Variants in SGCZ observed in about 807,000 individuals in gnomAD.
The protein encoded by SGCZ is sarcoglycan zeta.
Under a neutral mutation model 41.3 loss-of-function variants are expected in SGCZ, and 40 were observed. The ratio of observed to expected loss-of-function variants is 0.97; its 90% confidence interval spans 0.75 to 1.26. SGCZ has a LOEUF of 1.26. Ranked by LOEUF, SGCZ falls within the 50% of genes most tolerant of loss-of-function variation. The probability of loss-of-function intolerance (pLI) is 0.00; values close to 1 mark genes in which losing one functional copy is unlikely to be tolerated. For missense variants in SGCZ, 552 were observed against 369.8 expected, an observed-to-expected ratio of 1.49 and a Z score of -4.04; for synonymous variants, 206 against 137.5, an observed-to-expected ratio of 1.50 and a Z score of -3.49.
chr8:14,613,272 A>C (rs537455222), intron 1 of SGCZ, among the ~76,000 whole-genome samples: 1 of 152,342 alleles, frequency 6.6e-6, no homozygotes, highest in South Asian at 2.1e-4. Flanking sequence ...CAACCTGAAA[A>C]TATATTTCAT....
At chr8:14,845,813 CATAAAAAG>C (rs1359374318) in intron 1 of SGCZ, among the ~76,000 whole-genome samples, 22 of 151,998 alleles carry the variant, frequency 1.4e-4, no homozygotes, top group African/African-American at 5.3e-4. Context: ...TACCAGATTA[CATAAAAAG>C]ATAAAAAGTC....
chr8:14,741,882 A>G (rs541036660), intron 1 of SGCZ, among the ~76,000 whole-genome samples: 47 of 140,128 alleles, frequency 3.4e-4, no homozygotes, highest in Admixed American at 2.6e-3. Flanking sequence ...TAATAACTCA[A>G]TTTAATCACA....
intron 5 of SGCZ, among the ~76,000 whole-genome samples, chr8:14,132,347 CAT>C (rs1803067518): frequency 6.6e-6 from 1 of 152,162 alleles, no homozygotes; most frequent in Admixed American, 6.6e-5. Flanking sequence ...GTACACAACA[CAT>C]GATTGCAACA....
intron 1 of SGCZ, among the ~76,000 whole-genome samples, chr8:14,851,937 C>T (rs1563315384): frequency 2.0e-5 from 3 of 151,958 alleles, no homozygotes; most frequent in African/African-American, 2.4e-5. Flanking sequence ...TGATAACACA[C>T]AGAAGAAGTG....
At chr8:14,416,528 C>A (rs1799498267) in intron 2 of SGCZ, among the ~76,000 whole-genome samples, 1 of 151,786 alleles carries the variant, frequency 6.6e-6, no homozygotes, top group African/African-American at 2.4e-5. Context: ...CCCCAGATGC[C>A]TCCGACAGAG....
chr8:15,163,811 T>G (rs149594741), intron 1 of SGCZ, among the ~76,000 whole-genome samples: 48 of 152,320 alleles, frequency 3.2e-4, no homozygotes, highest in Middle Eastern at 3.4e-3. Flanking sequence ...TATACTAAGT[T>G]TCACTGTCCA....
chr8:14,924,071 G>A (rs1395443898), intron 1 of SGCZ, among the ~76,000 whole-genome samples: 1 of 152,192 alleles, frequency 6.6e-6, no homozygotes, highest in East Asian at 1.9e-4. Context: ...TGGTTGTGAT[G>A]AAGGCAGTAA....
chr8:15,150,193 T>C (rs1799139592), intron 1 of SGCZ, among the ~76,000 whole-genome samples: 1 of 152,200 alleles, frequency 6.6e-6, no homozygotes, highest in Non-Finnish European at 1.5e-5. Context: ...GCTTTATCCA[T>C]TACTTTATAA....
At position 14,554,785 on chromosome 8, in the gene SGCZ, T is replaced by G; in HGVS notation, c.181A>C (p.Ile61Leu). The G allele has an allele frequency of 6.2e-7, 1 of 1,613,226 alleles. No individual in the cohort carries two copies. Among genetic ancestry groups the G allele is most frequent in the South Asian group, 1.1e-5 (1 of 91,052 alleles). Reference protein sequence around the residue: ...FFVLLLLVTMIVNLAMTIWIL... With the variant: ...FFVLLLLVTMLVNLAMTIWIL... ...CATATTGTCATGGCTAAGTTAACTA[T>G]CATGGTAACCAACAGCAGAAGGACA... The change falls in exon 2 of 8, where the codon ATA becomes CTA. Residue 61 changes from isoleucine (I) to leucine (L), a missense_variant. Coordinates refer to ENST00000382080, the MANE Select transcript of SGCZ (RefSeq NM_139167.4).
At chr8:15,026,808 G>T (rs1015324732) in intron 1 of SGCZ, among the ~76,000 whole-genome samples, 2 of 152,148 alleles carry the variant, frequency 1.3e-5, no homozygotes, top group African/African-American at 4.8e-5. Context: ...AGCTTTTAAA[G>T]AAAGCCCAAC....
intron 1 of SGCZ, among the ~76,000 whole-genome samples, chr8:14,963,648 C>T (rs532323908): frequency 6.6e-6 from 1 of 152,208 alleles, no homozygotes; most frequent in East Asian, 1.9e-4. Context: ...GTTGCCTGGC[C>T]TAAATTCATT....
At chr8:14,426,133 G>C (rs1364764930) in intron 2 of SGCZ, among the ~76,000 whole-genome samples, 1 of 152,052 alleles carries the variant, frequency 6.6e-6, no homozygotes, top group Non-Finnish European at 1.5e-5. Flanking sequence ...GTACCATTCT[G>C]GAGGTAAGGG....
At chr8:14,681,823 T>C (rs1808455491) in intron 1 of SGCZ, among the ~76,000 whole-genome samples, 2 of 152,134 alleles carry the variant, frequency 1.3e-5, no homozygotes, top group Non-Finnish European at 2.9e-5. Flanking sequence ...AGGAAGCCCA[T>C]GGGCTTTTAG....
chr8:14,177,675 ATTTTTTTTTTTTT>A (rs1193141913), intron 4 of SGCZ, among the ~76,000 whole-genome samples: 3 of 111,338 alleles, frequency 2.7e-5, no homozygotes, highest in Non-Finnish European at 3.7e-5. Flanking sequence ...ACGCCCTGCT[ATTTTTTTTTTTTT>A]TTTTTTTTTG....
chr8:14,118,482 T>C lies in SGCZ; in HGVS notation c.548-10247A>G, dbSNP rs150913462. Among the ~76,000 whole-genome samples the C allele has an allele frequency of 2.9e-3, 438 of 152,344 alleles. 4 individuals are homozygous for C. The highest frequency in any genetic ancestry group is 0.01 in the African/African-American group (420 of 41,570). On this transcript the variant is annotated intron_variant, in intron 5 of 7. Coordinates refer to ENST00000382080, the MANE Select transcript of SGCZ (RefSeq NM_139167.4). ...ATTAGCCCTTTGTCAGATAAAGAGA[T>C]TGCAAAAACTTTCTCCCATTCTGTA...
intron 1 of SGCZ, among the ~76,000 whole-genome samples, chr8:14,582,281 T>G (rs1261237026): frequency 6.6e-6 from 1 of 152,036 alleles, no homozygotes; most frequent in Admixed American, 6.6e-5. Flanking sequence ...TAGTTACGTT[T>G]GGGGGGAGTT....
At chr8:15,181,517 T>A (rs1800179808) in intron 1 of SGCZ, among the ~76,000 whole-genome samples, 1 of 152,174 alleles carries the variant, frequency 6.6e-6, no homozygotes, top group African/African-American at 2.4e-5. Context: ...ACAAATTTGT[T>A]CTGTGTGATG....
intron 2 of SGCZ, among the ~76,000 whole-genome samples, chr8:14,358,056 C>A (rs766987907): frequency 1.3e-5 from 2 of 152,112 alleles, no homozygotes; most frequent in Admixed American, 6.6e-5. Context: ...TTCGTGCACT[C>A]ACTCATTTAT....
intron 5 of SGCZ, among the ~76,000 whole-genome samples, chr8:14,118,658 T>C (rs759577906): frequency 1.2e-4 from 19 of 152,170 alleles, no homozygotes; most frequent in Non-Finnish European, 2.9e-5. Context: ...CTGAGTGGTA[T>C]TGCCTAGGTT....
Sources: allele counts gnomAD v4.1 joint callset (sites outside exome capture counted in the v4.1 genomes callset), GRCh38; gene constraint gnomAD v4.1.1; transcripts MANE v1.5; gene names NCBI Gene and HGNC (gene_info 2026-07-23, HGNC 2026-07-21).